TENM3: variants seen among roughly 807,000 people sequenced by gnomAD.
The protein encoded by TENM3 is teneurin transmembrane protein 3.
In TENM3, 63 loss-of-function variants were observed where a neutral mutation model predicts 255.1. The ratio of observed to expected loss-of-function variants is 0.25; its 90% CI spans 0.20 to 0.30. TENM3 has a LOEUF of 0.30. Among genes scored for constraint, TENM3 ranks in the 10% least tolerant of loss-of-function variants. TENM3 has a pLI of 1.00. For synonymous variants in TENM3, 1,306 were observed against 1,322.3 expected (o/e 0.99, Z 0.27); for missense variants, 2,929 against 3,461.1 (o/e 0.85, Z 3.86).
the TENM3 span, among the ~76,000 whole-genome samples, chr4:181,678,332 T>C: frequency 2.0e-5 from 3 of 152,086 alleles, no homozygotes; most frequent in African/African-American, 7.2e-5. Context: ...GTAGCTTTCA[T>C]ACTAAGACTC....
intron 1 of TENM3, among the ~76,000 whole-genome samples, chr4:182,297,027 A>G (rs944725385): frequency 6.6e-6 from 1 of 152,228 alleles, no homozygotes; most frequent in African/African-American, 2.4e-5. Context: ...ACCATATTTT[A>G]TAGTTAATCT....
chr4:181,883,815 G>A, the TENM3 span, among the ~76,000 whole-genome samples: 2 of 152,104 alleles, frequency 1.3e-5, no homozygotes, highest in African/African-American at 2.4e-5. Context: ...ACTATAAATA[G>A]AAGTAGAAGA....
the TENM3 span, among the ~76,000 whole-genome samples, chr4:182,100,684 CAT>C: frequency 3.2e-4 from 26 of 80,702 alleles, 1 homozygote; most frequent in East Asian, 1.8e-3. Flanking sequence ...TATATACACA[CAT>C]ATATATACAC....
chr4:181,589,561 A>G, the TENM3 span, among the ~76,000 whole-genome samples: 139 of 152,298 alleles, frequency 9.1e-4, 1 homozygote, highest in African/African-American at 3.1e-3. Flanking sequence ...TAGGGGGGGC[A>G]AAATTTTACC....
chr4:181,828,544 G>T, the TENM3 span, among the ~76,000 whole-genome samples: 2 of 152,126 alleles, frequency 1.3e-5, no homozygotes, highest in Non-Finnish European at 2.9e-5. Context: ...CACTGTAAAT[G>T]ACAAAACAAC....
the TENM3 span, among the ~76,000 whole-genome samples, chr4:181,538,996 A>T: frequency 7.9e-5 from 12 of 152,322 alleles, no homozygotes; most frequent in East Asian, 1.5e-3. Context: ...TGTTTGACTT[A>T]TGCAGAGGGT....
chr4:182,335,928 G>A (rs371263632), intron 2 of TENM3, among the ~76,000 whole-genome samples: 16 of 152,216 alleles, frequency 1.1e-4, no homozygotes, highest in African/African-American at 2.9e-4. Flanking sequence ...AAGGAGAATC[G>A]ATGTTCCTAT....
the TENM3 span, among the ~76,000 whole-genome samples, chr4:181,551,886 GTGTA>G: frequency 1.3e-3 from 143 of 113,740 alleles, no homozygotes; most frequent in African/African-American, 4.5e-3. Context: ...GTGTGTGTGT[GTGTA>G]TATAAATTTT....
the TENM3 span, among the ~76,000 whole-genome samples, chr4:181,581,510 A>G: frequency 6.6e-6 from 1 of 152,292 alleles, no homozygotes; most frequent in Non-Finnish European, 1.5e-5. Flanking sequence ...TTTTCCTACT[A>G]TCTTGCATTT....
At chr4:181,581,615 T>G in the TENM3 span, among the ~76,000 whole-genome samples, 1 of 152,292 alleles carries the variant, frequency 6.6e-6, no homozygotes, top group Non-Finnish European at 1.5e-5. Flanking sequence ...TATTAAAAAT[T>G]TAACAAAACA....
the TENM3 span, among the ~76,000 whole-genome samples, chr4:181,647,076 C>T: frequency 1.3e-5 from 2 of 151,918 alleles, no homozygotes; most frequent in Non-Finnish European, 2.9e-5. Flanking sequence ...ACTAAGAAGA[C>T]ATACGGAATA....
the TENM3 span, among the ~76,000 whole-genome samples, chr4:181,655,642 G>A: frequency 6.6e-6 from 1 of 152,196 alleles, no homozygotes; most frequent in Non-Finnish European, 1.5e-5. Context: ...GGAATGGAGG[G>A]TGACAGTCCC....
the TENM3 span, among the ~76,000 whole-genome samples, chr4:182,127,810 T>C: frequency 3.0e-4 from 45 of 152,226 alleles, no homozygotes; most frequent in Non-Finnish European, 5.1e-4. Context: ...CAAACTAGCA[T>C]ATTCAGAAAA....
the TENM3 span, among the ~76,000 whole-genome samples, chr4:181,880,101 A>G: frequency 3.9e-5 from 6 of 152,110 alleles, no homozygotes; most frequent in Admixed American, 6.6e-5. Flanking sequence ...CATTCACTTC[A>G]TAATTGAAAC....
chr4:182,062,178 TTAA>T, the TENM3 span, among the ~76,000 whole-genome samples: 2 of 152,152 alleles, frequency 1.3e-5, no homozygotes, highest in African/African-American at 4.8e-5. Context: ...GTGAAGCAGA[TTAA>T]ACAGGTAACC....
Position 182,161,839 on chromosome 4 carries a change from GTATATATACACAAATA to G in TENM3, c.-76+17091_-76+17106del, listed in dbSNP as rs1561153845. ...TGTATATATATACACATATATATGT[GTATATATACACAAATA>G]TATATGTGTATATATGTGTATATAT... On this transcript the variant is annotated intron_variant, in intron 1 of 2. Transcript: ENST00000512480. Among the ~76,000 whole-genome samples the G allele has an allele frequency of 5.1e-3, 88 of 17,226 alleles. 36 individuals are homozygous for G. Among genetic ancestry groups the G allele is most frequent in the Non-Finnish European group, 7.1e-3 (71 of 9,936 alleles). 11.3% of individuals were successfully genotyped at this position (17,226 alleles called of 152,430 possible). A position where few individuals can be genotyped will look rare whatever the true frequency, so the allele number is the denominator to read the frequency against.
chr4:181,609,562 A>G, the TENM3 span, among the ~76,000 whole-genome samples: 3 of 152,246 alleles, frequency 2.0e-5, no homozygotes, highest in South Asian at 2.1e-4. Flanking sequence ...AACACGCTGC[A>G]TAAGTGACCA....
the TENM3 span, among the ~76,000 whole-genome samples, chr4:181,708,442 G>A: frequency 1.3e-5 from 2 of 152,112 alleles, no homozygotes; most frequent in African/African-American, 4.8e-5. Flanking sequence ...AGAAAACCTA[G>A]TTGAATAAAT....
the TENM3 span, among the ~76,000 whole-genome samples, chr4:181,774,032 A>G: frequency 1.7e-5 from 1 of 58,510 alleles, no homozygotes; most frequent in Non-Finnish European, 3.5e-5. Context: ...TTTTTTTATT[A>G]TACTCTAAGT....
Sources: gnomAD v4.1 joint callset for allele counts (sites outside exome capture counted in the v4.1 genomes callset) on GRCh38, gnomAD v4.1.1 for gene constraint, MANE v1.5 for transcripts, NCBI Gene and HGNC (gene_info 2026-07-23, HGNC 2026-07-21) for gene names.